The following PPCDC variants were observed in gnomAD, a reference collection of about 807,000 sequenced individuals.
PPCDC encodes the protein phosphopantothenoylcysteine decarboxylase.
A neutral mutation model predicts 20.7 loss-of-function variants in PPCDC; 20 were observed. The observed-to-expected ratio is 0.97, with a 90% CI of 0.68 to 1.41. The LOEUF (loss-of-function observed/expected upper bound fraction) is 1.41. Among genes scored for constraint, PPCDC ranks in the 40% most tolerant of loss-of-function variants. The probability of loss-of-function intolerance (pLI) is 0.00; values close to 1 mark genes in which losing one functional copy is unlikely to be tolerated. For missense variants in PPCDC, 246 were observed against 263.8 expected (o/e 0.93, Z 0.47); for synonymous variants, 88 against 100.3 (o/e 0.88, Z 0.73).
At chr15:75,044,821 G>C (rs995646450) in intron 4 of PPCDC, 1 of 324,288 alleles carries the variant, frequency 3.1e-6, no homozygotes, top group Non-Finnish European at 5.9e-6. Context: ...GTCCCTCCTC[G>C]TGGGCTGCCT....
At chr15:75,034,783 T>A (rs1409314466) in intron 2 of PPCDC, among the ~76,000 whole-genome samples, 1 of 152,166 alleles carries the variant, frequency 6.6e-6, no homozygotes, top group Admixed American at 6.5e-5. Flanking sequence ...AGTGCGGGGC[T>A]ACCACTTCCT....
At position 75,049,222 on chromosome 15, in the gene PPCDC, T is replaced by C. The variant is rs768319049; in HGVS notation, c.602T>C (p.Phe201Ser). ...GAAGTCCTCTTCCAGCACAGTGGCT[T>C]CCAGCAGAGTTGACCTGGGATTTCT... Reference protein sequence around the residue: ...VKEVLFQHSGFQQS With the variant: ...VKEVLFQHSGSQQS Residue 201 changes from phenylalanine (F) to serine (S), a missense_variant, in exon 6 of 6, where the codon TTC (phenylalanine) becomes TCC (serine). This residue lies in a region of PPCDC where 21 missense variants were observed against 41.2 expected (regional missense o/e 0.51). Transcript: ENST00000342932. The C allele has an allele frequency of 1.2e-6, 2 of 1,614,122 alleles. No homozygotes were observed. The highest frequency in any genetic ancestry group is 3.3e-5 in the Admixed American group (2 of 60,020).
chr15:75,033,519 T>TTTTG (rs946239407), intron 2 of PPCDC, among the ~76,000 whole-genome samples: 1 of 152,150 alleles, frequency 6.6e-6, no homozygotes, highest in Non-Finnish European at 1.5e-5. Flanking sequence ...GTGTGTGTTT[T>TTTTG]TTTGTTTGTT....
At chr15:75,039,103 TCTC>T (rs1021514693) in intron 2 of PPCDC, among the ~76,000 whole-genome samples, 2 of 152,214 alleles carry the variant, frequency 1.3e-5, no homozygotes, top group Non-Finnish European at 2.9e-5. Context: ...GCTAGAGGAC[TCTC>T]CTCAGATATC....
At chr15:75,039,826 C>A (rs557141505) in intron 2 of PPCDC, among the ~76,000 whole-genome samples, 1 of 151,414 alleles carries the variant, frequency 6.6e-6, no homozygotes, top group Non-Finnish European at 1.5e-5. Context: ...CTCTTGTTGC[C>A]CAGGCTGGAG....
At chr15:75,048,347 G>C (rs1272267351) in intron 4 of PPCDC, among the ~76,000 whole-genome samples, 1 of 152,194 alleles carries the variant, frequency 6.6e-6, no homozygotes, top group Non-Finnish European at 1.5e-5. Context: ...CCTGTTTGTA[G>C]GATCCTGTGC....
chr15:75,041,553 C>G (rs1249984716), intron 2 of PPCDC, among the ~76,000 whole-genome samples: 1 of 152,148 alleles, frequency 6.6e-6, no homozygotes, highest in East Asian at 1.9e-4. Context: ...ATCACCTGAG[C>G]CCAGGGCAGT....
chr15:75,028,065 C>T (rs1014655167), intron 1 of PPCDC, 182 bp from the exon 2 acceptor site: 3 of 502,434 alleles, frequency 6.0e-6, no homozygotes, highest in African/African-American at 3.9e-5. Context: ...GCATCATTCC[C>T]TTGTGACTGG....
chr15:75,048,577 C>T lies in PPCDC; in HGVS notation c.385C>T (p.Arg129Cys), dbSNP rs745961364. The T allele has an allele frequency of 1.2e-5, 19 of 1,614,000 alleles. No individual in the cohort carries two copies. The highest frequency in any genetic ancestry group is 1.7e-5 in the Admixed American group (1 of 60,008). The change falls in exon 5 of 6, where the codon CGC (arginine) becomes TGC (cysteine). Residue 129 changes from arginine (R) to cysteine (C), a missense_variant. Arg to Cys is a radical substitution (Grantham distance 180). Around this residue, in one of 2 missense-constraint regions of PPCDC, gnomAD observed 225 missense variants for 222.6 expected, o/e 1.01. Coordinates refer to ENST00000342932, the MANE Select transcript of PPCDC (RefSeq NM_021823.5). ...LLTCVMRAWD[R>C]SKPLLFCPAM... is the part of the protein sequence containing the mutation. ...GACCTGCGTCATGCGGGCCTGGGAC[C>T]GCAGCAAGCCCCTGCTCTTCTGCCC...
intron 2 of PPCDC, among the ~76,000 whole-genome samples, chr15:75,038,064 G>A (rs2066107203): frequency 1.3e-5 from 2 of 152,152 alleles, no homozygotes; most frequent in Admixed American, 6.5e-5. Flanking sequence ...TAGGAACAAG[G>A]CATATCGATT....
intron 2 of PPCDC, among the ~76,000 whole-genome samples, chr15:75,037,293 C>T (rs1446081896): frequency 1.3e-5 from 2 of 152,112 alleles, no homozygotes; most frequent in African/African-American, 4.8e-5. Flanking sequence ...GACATGTAAC[C>T]AGAGATGAAG....
intron 5 of PPCDC, 87 bp from the exon 6 acceptor site, chr15:75,049,063 G>T (rs768989760): frequency 6.3e-6 from 8 of 1,279,382 alleles, no homozygotes; most frequent in Non-Finnish European, 9.1e-6. Flanking sequence ...CTTGGGCTCT[G>T]GGTGGAGCAC....
At chr15:75,032,069 A>G (rs958072152) in intron 2 of PPCDC, among the ~76,000 whole-genome samples, 2 of 152,170 alleles carry the variant, frequency 1.3e-5, no homozygotes, top group African/African-American at 4.8e-5. Flanking sequence ...TCCTCCCTGC[A>G]TTTGTTTTTC....
intron 3 of PPCDC, 171 bp downstream of exon 3, chr15:75,043,707 C>T (rs1465595519): frequency 4.8e-6 from 3 of 624,658 alleles, no homozygotes; most frequent in Admixed American, 3.0e-5. Context: ...AGCTTCTGGC[C>T]TGCAGGAGGC....
intron 2 of PPCDC, among the ~76,000 whole-genome samples, chr15:75,037,905 T>G (rs1229391795): frequency 6.6e-6 from 1 of 152,078 alleles, no homozygotes; most frequent in Admixed American, 6.6e-5. Flanking sequence ...GTACTGTGGT[T>G]GGTGACCTAC....
rs1472950754 is a variant in PPCDC at position 75,043,547 on chromosome 15, G to T, written c.231+11G>T. 2 of 1,593,352 alleles carry T rather than the reference G, an allele frequency of 1.3e-6. No individual in the cohort carries two copies. Among genetic ancestry groups the T allele is most frequent in the East Asian group, 2.3e-5 (1 of 44,268 alleles). On this transcript the variant is annotated intron_variant, in intron 3 of 5. Coordinates refer to ENST00000342932, the MANE Select transcript of PPCDC (RefSeq NM_021823.5). ...GCTGATGAATGGGAGGTCAGTGCTG[G>T]GGCCCCTGGGCTGAGTTCCATTGAG...
At chr15:75,037,247 G>C (rs2066096353) in intron 2 of PPCDC, among the ~76,000 whole-genome samples, 1 of 152,206 alleles carries the variant, frequency 6.6e-6, no homozygotes, top group Non-Finnish European at 1.5e-5. Flanking sequence ...GAAGCCTTCT[G>C]TTGAAGGAGC....
Position 75,049,334 on chromosome 15 carries a change from G to GAGGGTATC in PPCDC, c.*99_*100insAGGGTATC. The GAGGGTATC allele has an allele frequency of 1.8e-6, 2 of 1,139,592 alleles. No homozygotes were observed. Among genetic ancestry groups the GAGGGTATC allele is most frequent in the Non-Finnish European group, 2.6e-6 (2 of 777,230 alleles). The allele number at this position is 1,139,592 out of a possible 1,614,324, so 70.6% of individuals were successfully genotyped here. ...GCAAAATAGGAGGATACCCTCATTT[G>GAGGGTATC]CTGAATGGGGGACCTGCTCTGAGCC... On this transcript the variant is annotated 3_prime_UTR_variant, in exon 6 of 6. Transcript: ENST00000342932.
Position 75,046,803 on chromosome 15 carries a change from G to A in PPCDC, c.361-1750G>A, listed in dbSNP as rs549339633. On this transcript the variant is annotated intron_variant, in intron 4 of 5. Transcript: ENST00000342932. ...TGAGGGCAGCATGCTAGGTGTGACC[G>A]TGCTCCTGGCCTCCAGGCCCGTGTC... Among the ~76,000 whole-genome samples, 13 of 152,358 alleles carry A rather than the reference G, an allele frequency of 8.5e-5. 1 individual carries two copies. Among genetic ancestry groups the A allele is most frequent in the African/African-American group, 2.4e-4 (10 of 41,588 alleles).
Sources: gnomAD v4.1 joint callset for allele counts (sites outside exome capture counted in the v4.1 genomes callset) on GRCh38, gnomAD v4.1.1 for gene constraint, gnomAD v4.1.1 regional missense constraint, MANE v1.5 for transcripts, NCBI Gene and HGNC (gene_info 2026-07-23, HGNC 2026-07-21) for gene names.